Variants in KLHDC1 observed in about 807,000 individuals in gnomAD.
KLHDC1 encodes kelch domain-containing protein 1.
In KLHDC1, 53 loss-of-function variants were observed where a neutral mutation model predicts 68.3. The observed-to-expected ratio is 0.78, with a 90% CI of 0.62 to 0.98. The LOEUF (loss-of-function observed/expected upper bound fraction) is 0.98. Ranked by LOEUF, KLHDC1 falls within the 50% of genes least tolerant of loss-of-function variation. The pLI, the probability that KLHDC1 is intolerant of heterozygous loss-of-function variation, is 0.00. For synonymous variants in KLHDC1, 148 were observed against 159.0 expected (o/e 0.93, Z 0.52); for missense variants, 470 against 492.3 (o/e 0.95, Z 0.43).
Position 49,728,067 on chromosome 14 carries a change from A to G in KLHDC1, c.568-859A>G, listed in dbSNP as rs1888715671. On this transcript the variant is annotated intron_variant, in intron 6 of 12. Coordinates refer to ENST00000359332, the MANE Select transcript of KLHDC1 (RefSeq NM_172193.3). ...GGTGGCGTAATGGCTCACGCCTGTA[A>G]TCTCAGCACTTTGGGAGGTTGAGGC... is the stretch of plus-strand genomic sequence containing the variant. Among the ~76,000 whole-genome samples, 3 of 152,214 alleles carry G rather than the reference A, an allele frequency of 2.0e-5. No homozygotes were observed. In the South Asian group the frequency reaches 6.2e-4, roughly 32 times the overall value.
chr14:49,716,570 G>A (rs1183546829), intron 4 of KLHDC1, among the ~76,000 whole-genome samples: 1 of 151,954 alleles, frequency 6.6e-6, no homozygotes, highest in Admixed American at 6.6e-5. Flanking sequence ...TTTTAGTAGA[G>A]GCGGGGTTTC....
chr14:49,717,084 A>G (rs1305387086), intron 4 of KLHDC1, among the ~76,000 whole-genome samples: 1 of 152,202 alleles, frequency 6.6e-6, no homozygotes, highest in African/African-American at 2.4e-5. Flanking sequence ...CACTGTATGT[A>G]TATACCGCAT....
At chr14:49,744,677 A>G (rs988360212) in intron 12 of KLHDC1, among the ~76,000 whole-genome samples, 7 of 152,126 alleles carry the variant, frequency 4.6e-5, no homozygotes, top group African/African-American at 1.7e-4. Context: ...TTTAAATACT[A>G]TGAAAATAAT....
At position 49,693,150 on chromosome 14, in the gene KLHDC1, G is replaced by T. The variant is rs371949338; in HGVS notation, c.-45G>T. The T allele has an allele frequency of 9.9e-5, 151 of 1,526,690 alleles. 1 individual carries two copies. The African/African-American group carries it at 1.8e-3, about 18-fold the overall frequency. 94.6% of individuals were successfully genotyped at this position (1,526,690 alleles called of 1,614,324 possible). ...GGGCTGGAGGCGAGGCCGCCGGGCG[G>T]GCAGGGGTTGTGGCGCGGCAAGCGG... On this transcript the variant is annotated 5_prime_UTR_variant, in exon 1 of 13. Transcript: ENST00000359332.
intron 10 of KLHDC1, among the ~76,000 whole-genome samples, chr14:49,738,822 A>G (rs375061669): frequency 6.6e-6 from 1 of 152,180 alleles, no homozygotes; most frequent in Admixed American, 6.5e-5. Context: ...GCATTTGCCG[A>G]TTTCCAAGGT....
At chr14:49,695,278 G>A (rs544070386) in intron 1 of KLHDC1, among the ~76,000 whole-genome samples, 7 of 151,998 alleles carry the variant, frequency 4.6e-5, no homozygotes, top group African/African-American at 1.7e-4. Flanking sequence ...TTTTACAGGC[G>A]TGAGCCACCG....
intron 10 of KLHDC1, 113 bp from the exon 11 acceptor site, chr14:49,739,985 T>A: frequency 1.7e-6 from 1 of 580,812 alleles, no homozygotes; most frequent in Non-Finnish European, 3.0e-6. Context: ...AGTTCAATCG[T>A]GTCTCTTTTA....
intron 4 of KLHDC1, among the ~76,000 whole-genome samples, chr14:49,721,426 G>T (rs1285010949): frequency 1.3e-5 from 2 of 151,794 alleles, no homozygotes; most frequent in African/African-American, 2.4e-5. Flanking sequence ...CAAGCAATCC[G>T]CCTGCCTCAG....
At chr14:49,741,408 C>G (rs570094283) in intron 11 of KLHDC1, among the ~76,000 whole-genome samples, 1 of 151,510 alleles carries the variant, frequency 6.6e-6, no homozygotes, top group African/African-American at 2.4e-5. Flanking sequence ...TGGGTTCAAG[C>G]GATTCTCCGG....
intron 12 of KLHDC1, among the ~76,000 whole-genome samples, chr14:49,744,902 A>AT (rs1889164299): frequency 6.6e-6 from 1 of 152,200 alleles, no homozygotes; most frequent in Admixed American, 6.5e-5. Context: ...CAAAGCTAGT[A>AT]TTAAGTTGGT....
At chr14:49,733,944 G>A (rs1888875068) in intron 9 of KLHDC1, among the ~76,000 whole-genome samples, 1 of 152,158 alleles carries the variant, frequency 6.6e-6, no homozygotes, top group Admixed American at 6.6e-5. Flanking sequence ...AGTTATTCTT[G>A]CACATTATTA....
At chr14:49,711,019 G>A (rs1888183939) in intron 4 of KLHDC1, among the ~76,000 whole-genome samples, 1 of 12,918 alleles carries the variant, frequency 7.7e-5, no homozygotes, top group Non-Finnish European at 3.1e-3. Context: ...TTTGGAAATG[G>A]AGTCTCACTG....
chr14:49,723,846 AGT>A, intron 4 of KLHDC1, 26 bp from the exon 5 acceptor site: 3 of 1,325,058 alleles, frequency 2.3e-6, no homozygotes, highest in Non-Finnish European at 3.2e-6. Context: ...GAATTCCTAA[AGT>A]GTGTCATTTC....
chr14:49,698,682 G>GT (rs1594645373), intron 1 of KLHDC1, among the ~76,000 whole-genome samples: 1 of 150,498 alleles, frequency 6.6e-6, no homozygotes, highest in Non-Finnish European at 1.5e-5. Context: ...CGCCCAGCTA[G>GT]TTTTTGTATT....
intron 12 of KLHDC1, among the ~76,000 whole-genome samples, chr14:49,745,496 A>G (rs1005794099): frequency 2.0e-5 from 3 of 152,260 alleles, no homozygotes; most frequent in African/African-American, 7.2e-5. Context: ...TATAGAAGGT[A>G]GACTTTCAAG....
intron 1 of KLHDC1, among the ~76,000 whole-genome samples, chr14:49,698,363 C>T (rs1231345991): frequency 6.6e-6 from 1 of 151,882 alleles, no homozygotes. Context: ...ACCACCACGC[C>T]CAACTACTTT....
intron 4 of KLHDC1, among the ~76,000 whole-genome samples, chr14:49,718,526 C>T (rs191474717): frequency 4.7e-4 from 71 of 152,228 alleles, no homozygotes; most frequent in African/African-American, 1.7e-3. Flanking sequence ...GGCAATCTGC[C>T]TACCTCCGCC....
chr14:49,751,512 AAT>A, intron 12 of KLHDC1, 72 bp from the exon 13 acceptor site: 1 of 713,426 alleles, frequency 1.4e-6, no homozygotes. Flanking sequence ...AAAAAGAAAG[AAT>A]TCTTAACTAT....
chr14:49,751,516 C>A (rs1889319750), intron 12 of KLHDC1, 70 bp from the exon 13 acceptor site: 1 of 721,236 alleles, frequency 1.4e-6, no homozygotes, highest in East Asian at 3.2e-5. Flanking sequence ...AGAAAGAATT[C>A]TTAACTATAA....
Sources: allele counts gnomAD v4.1 joint callset (sites outside exome capture counted in the v4.1 genomes callset), GRCh38; gene constraint gnomAD v4.1.1; transcripts MANE v1.5; gene names NCBI Gene and HGNC (gene_info 2026-07-23, HGNC 2026-07-21).